Variants in GNAL observed in about 807,000 individuals in gnomAD.
GNAL encodes guanine nucleotide-binding protein G(olf) subunit alpha.
Under a neutral mutation model 55.1 loss-of-function variants are expected in GNAL, and 18 were observed. That is an observed-to-expected ratio of 0.33 (90% confidence interval 0.23 to 0.48). The LOEUF is 0.48. Ranked by LOEUF, GNAL falls within the 20% of genes least tolerant of loss-of-function variation. GNAL has a pLI of 0.99. For synonymous variants in GNAL, 253 were observed against 237.0 expected, an observed-to-expected ratio of 1.07 and a Z score of -0.62; for missense variants, 412 against 614.1, an observed-to-expected ratio of 0.67 and a Z score of 3.48.
chr18:11,858,238 C>T (rs1351315306), intron 5 of GNAL, among the ~76,000 whole-genome samples: 1 of 151,580 alleles, frequency 6.6e-6, no homozygotes, highest in Non-Finnish European at 1.5e-5. Flanking sequence ...CATGAGTGTC[C>T]TCAGCTGTCA....
At chr18:11,862,688 A>C (rs1240104987) in intron 6 of GNAL, among the ~76,000 whole-genome samples, 1 of 152,156 alleles carries the variant, frequency 6.6e-6, no homozygotes, top group Admixed American at 6.6e-5. Context: ...GTTTATCTGC[A>C]GATAAGGAAT....
rs73945263 is a variant in GNAL at position 11,866,263 on chromosome 18, C to T, written c.852-905C>T. Among the ~76,000 whole-genome samples the T allele has an allele frequency of 1.4e-3, 217 of 150,336 alleles. 24 individuals are homozygous for T. Among genetic ancestry groups the T allele is most frequent in the African/African-American group, 5.3e-3 (210 of 39,650 alleles). ...CATCCATTTTCATCAAGTATCTCAG[C>T]GTGCCCCACGTGTGCTAATGTAAAG... is the stretch of plus-strand genomic sequence containing the variant. On this transcript the variant is annotated intron_variant, in intron 7 of 11. Transcript: ENST00000334049.
chr18:11,754,060 C>A, intron 4 of GNAL, 115 bp downstream of exon 4: 1 of 794,344 alleles, frequency 1.3e-6, no homozygotes, highest in Non-Finnish European at 2.1e-6. Context: ...CTTCGAAATC[C>A]AGCTCTCTAA....
At position 11,775,807 on chromosome 18, in the gene GNAL, G is replaced by A. The variant is rs556395201; in HGVS notation, c.624+21862G>A. On this transcript the variant is annotated intron_variant, in intron 4 of 11. Transcript: ENST00000334049. ...GGTGAAATTCCAGTGTTTTCATTTCGTAAGAAGGCAGAGATGTATGGAATG... is the reference window on the plus strand; with the variant it reads ...GGTGAAATTCCAGTGTTTTCATTTCATAAGAAGGCAGAGATGTATGGAATG... Among the ~76,000 whole-genome samples, 6 of 152,300 alleles carry A rather than the reference G, an allele frequency of 3.9e-5. No homozygotes were observed. In the South Asian group the frequency reaches 6.2e-4, roughly 16 times the overall value.
intron 1 of GNAL, among the ~76,000 whole-genome samples, chr18:11,699,190 TTTTA>T (rs200306454): frequency 1.3e-5 from 2 of 151,938 alleles, no homozygotes; most frequent in Non-Finnish European, 1.5e-5. Flanking sequence ...TTATTTTTAA[TTTTA>T]TTTATTTATT....
chr18:11,863,905 G>C (rs2036202932), intron 6 of GNAL, among the ~76,000 whole-genome samples: 1 of 152,170 alleles, frequency 6.6e-6, no homozygotes, highest in South Asian at 2.1e-4. Context: ...GCACCAGCAG[G>C]GATGTCCCTC....
chr18:11,804,929 C>T (rs1249084294), intron 4 of GNAL, among the ~76,000 whole-genome samples: 15 of 133,632 alleles, frequency 1.1e-4, no homozygotes, highest in South Asian at 2.5e-4. Flanking sequence ...GGGTGGAACA[C>T]GGAGATACTG....
rs148108821 is a variant in GNAL at position 11,727,868 on chromosome 18, A to C, written c.377-24985A>C. Among the ~76,000 whole-genome samples, 355 of 152,272 alleles carry C rather than the reference A, an allele frequency of 2.3e-3. 1 individual carries two copies. The highest frequency in any genetic ancestry group is 7.7e-3 in the Admixed American group (118 of 15,288). Reference sequence around the variant, plus strand: ...CATTTTAACCTATGGAGTGTGGGCTATGGTGTCCAGTGTGGCATTGTTAAG... The same window carrying C: ...CATTTTAACCTATGGAGTGTGGGCTCTGGTGTCCAGTGTGGCATTGTTAAG... On this transcript the variant is annotated intron_variant, in intron 1 of 11. Transcript: ENST00000334049.
intron 4 of GNAL, among the ~76,000 whole-genome samples, chr18:11,801,908 C>G (rs947354979): frequency 3.3e-5 from 5 of 152,028 alleles, no homozygotes; most frequent in Admixed American, 1.3e-4. Flanking sequence ...CATTAGACAC[C>G]TGAGTAGGGA....
At chr18:11,760,739 C>T (rs1346036817) in intron 4 of GNAL, among the ~76,000 whole-genome samples, 1 of 152,056 alleles carries the variant, frequency 6.6e-6, no homozygotes, top group Non-Finnish European at 1.5e-5. Flanking sequence ...CAGACACCCC[C>T]AGGCCTGGGA....
chr18:11,850,001 A>G lies in GNAL; in HGVS notation c.723-12394A>G, dbSNP rs117737145. On this transcript the variant is annotated intron_variant, in intron 5 of 11. Coordinates refer to ENST00000334049, the MANE Select transcript of GNAL (RefSeq NM_182978.4). Reference sequence around the variant, plus strand: ...GCCCTGTAGTATGGCCACACAGAGGAGGAGTCCTGGGGAGGCTCCATGGTG... The same window carrying G: ...GCCCTGTAGTATGGCCACACAGAGGGGGAGTCCTGGGGAGGCTCCATGGTG... Among the ~76,000 whole-genome samples, 10 of 152,288 alleles carry G rather than the reference A, an allele frequency of 6.6e-5. No homozygotes were observed. In the East Asian group the frequency reaches 1.9e-3, roughly 29 times the overall value.
intron 11 of GNAL, among the ~76,000 whole-genome samples, chr18:11,879,007 A>G (rs1160494896): frequency 6.6e-6 from 1 of 151,780 alleles, no homozygotes; most frequent in Non-Finnish European, 1.5e-5. Flanking sequence ...CCTAATGTAA[A>G]TGACGAGTTA....
At chr18:11,876,815 A>G (rs1401123454) in intron 11 of GNAL, 127 bp downstream of exon 11, 2 of 692,342 alleles carry the variant, frequency 2.9e-6, no homozygotes, top group Non-Finnish European at 5.3e-6. Flanking sequence ...GACAAAGGGT[A>G]TGTTACTTTA....
At chr18:11,767,985 C>T (rs930076244) in intron 4 of GNAL, among the ~76,000 whole-genome samples, 2 of 152,128 alleles carry the variant, frequency 1.3e-5, no homozygotes, top group African/African-American at 2.4e-5. Context: ...GTTATTTGCC[C>T]CCTTTTAAGT....
At chr18:11,820,334 T>A (rs2035060614) in intron 4 of GNAL, among the ~76,000 whole-genome samples, 1 of 152,192 alleles carries the variant, frequency 6.6e-6, no homozygotes, top group African/African-American at 2.4e-5. Flanking sequence ...CTAGCCTAGC[T>A]CTGAACAAAT....
At chr18:11,877,271 T>TG (rs1008137077) in intron 11 of GNAL, among the ~76,000 whole-genome samples, 18 of 152,032 alleles carry the variant, frequency 1.2e-4, no homozygotes, top group African/African-American at 4.4e-4. Flanking sequence ...CTGGCCAACA[T>TG]GGTGAAACCC....
intron 4 of GNAL, among the ~76,000 whole-genome samples, chr18:11,760,326 T>G (rs546199469): frequency 6.6e-6 from 1 of 152,232 alleles, no homozygotes; most frequent in South Asian, 2.1e-4. Context: ...TAATTCAAAA[T>G]GGTACTGAAA....
rs779391817 is a variant in GNAL at position 11,884,432 on chromosome 18, T to C, written c.*3297T>C. ...ATTTCTTGGGCTTTGATATTTATAA[T>C]GGCGCCTGCTCTTCATCTTGTCTTA... On this transcript the variant is annotated 3_prime_UTR_variant, in exon 12 of 12. Transcript: ENST00000334049. 2 of 1,609,748 alleles carry C rather than the reference T, an allele frequency of 1.2e-6. No individual in the cohort carries two copies. The highest frequency in any genetic ancestry group is 1.7e-6 in the Non-Finnish European group (2 of 1,177,074).
intron 1 of GNAL, among the ~76,000 whole-genome samples, chr18:11,698,146 G>A (rs2031465655): frequency 6.6e-6 from 1 of 152,166 alleles, no homozygotes; most frequent in African/African-American, 2.4e-5. Context: ...AAGAAAGGAA[G>A]AGGTTTCTGG....
Sources: allele counts gnomAD v4.1 joint callset (sites outside exome capture counted in the v4.1 genomes callset), GRCh38; gene constraint gnomAD v4.1.1; transcripts MANE v1.5; gene names NCBI Gene and HGNC (gene_info 2026-07-23, HGNC 2026-07-21).